The following LRRK2 variants were observed in gnomAD, a reference collection of about 807,000 sequenced individuals.
LRRK2 encodes the protein leucine-rich repeat serine/threonine-protein kinase 2.
A neutral mutation model predicts 302.6 loss-of-function variants in LRRK2; 203 were observed. The ratio of observed to expected loss-of-function variants is 0.67; its 90% CI spans 0.60 to 0.75. The LOEUF (loss-of-function observed/expected upper bound fraction) is 0.75, where lower values mean the gene tolerates loss of function less well. LRRK2 is among the 30% of genes least tolerant of loss of function. The pLI is 0.00. For synonymous variants in LRRK2, 1,066 were observed against 1,031.9 expected (o/e 1.03, Z -0.63); for missense variants, 2,830 against 2,951.0 (o/e 0.96, Z 0.95).
intron 20 of LRRK2, among the ~76,000 whole-genome samples, chr12:40,289,612 T>C (rs1272173710): frequency 1.3e-5 from 2 of 150,568 alleles, no homozygotes; most frequent in African/African-American, 4.9e-5. Flanking sequence ...TAATGAGTCT[T>C]TTGACATATT....
chr12:40,300,461 T>C (rs538537895), intron 25 of LRRK2, among the ~76,000 whole-genome samples: 8 of 152,342 alleles, frequency 5.3e-5, no homozygotes, highest in South Asian at 4.1e-4. Flanking sequence ...CCTGACTCAG[T>C]AAAATAATTT....
At chr12:40,340,186 G>C in intron 40 of LRRK2, 108 bp from the exon 41 acceptor site, 1 of 1,143,808 alleles carries the variant, frequency 8.7e-7, no homozygotes, top group Non-Finnish European at 1.3e-6. Context: ...AGTGAGCACA[G>C]AATTTTTGAT....
rs1943805788 is a variant in LRRK2 at position 40,283,869 on chromosome 12, T to G, written c.2242-6T>G. On this transcript the variant is annotated splice_region_variant and splice_polypyrimidine_tract_variant and intron_variant, in intron 18 of 50. Coordinates refer to ENST00000298910, the MANE Select transcript of LRRK2 (RefSeq NM_198578.4). ...TTTAATATACTTAATTTTTTTTCTT[T>G]AATAGGTATGTGAGAAAGAGAGCAG... 1 of 1,608,820 alleles carries G rather than the reference T, an allele frequency of 6.2e-7. No homozygotes were observed. The highest frequency in any genetic ancestry group is 8.5e-7 in the Non-Finnish European group (1 of 1,177,162).
At chr12:40,295,779 G>T (rs1944364876) in intron 23 of LRRK2, 135 bp downstream of exon 23, 2 of 781,920 alleles carry the variant, frequency 2.6e-6, no homozygotes, top group South Asian at 1.7e-5. Context: ...CGTGCCTCTG[G>T]TTTTTGCACA....
At chr12:40,305,541 T>A (rs1195580733) in intron 27 of LRRK2, among the ~76,000 whole-genome samples, 2 of 152,132 alleles carry the variant, frequency 1.3e-5, no homozygotes, top group Admixed American at 6.6e-5. Flanking sequence ...GAGATTGGGT[T>A]TTTTAATATT....
intron 11 of LRRK2, among the ~76,000 whole-genome samples, chr12:40,254,929 C>T (rs1410787983): frequency 3.3e-5 from 5 of 152,114 alleles, no homozygotes; most frequent in Non-Finnish European, 7.4e-5. Flanking sequence ...CATTGAAAGA[C>T]ACTTGGGTGT....
intron 28 of LRRK2, among the ~76,000 whole-genome samples, chr12:40,307,029 T>A (rs1291812439): frequency 1.3e-5 from 2 of 151,288 alleles, no homozygotes; most frequent in East Asian, 3.9e-4. Flanking sequence ...TACTGTATTA[T>A]CTAACTAAAT....
intron 20 of LRRK2, among the ~76,000 whole-genome samples, chr12:40,292,243 T>G (rs1944186621): frequency 6.6e-6 from 1 of 152,072 alleles, no homozygotes; most frequent in Non-Finnish European, 1.5e-5. Context: ...TTTGTTTCCC[T>G]TCTTTCGGGT....
chr12:40,367,503 A>G, intron 50 of LRRK2, 141 bp from the exon 51 acceptor site: 1 of 649,954 alleles, frequency 1.5e-6, no homozygotes, highest in Non-Finnish European at 2.4e-6. Context: ...TTTATAAATA[A>G]TAATTTAGTA....
chr12:40,314,253 A>G (rs971683208), intron 32 of LRRK2, 80 bp downstream of exon 32: 1 of 1,405,656 alleles, frequency 7.1e-7, no homozygotes, highest in Non-Finnish European at 9.9e-7. Context: ...TATAGAATTT[A>G]CATTCAAAGT....
chr12:40,230,325 G>C (rs1941118078), intron 2 of LRRK2, among the ~76,000 whole-genome samples: 3 of 152,150 alleles, frequency 2.0e-5, no homozygotes, highest in Non-Finnish European at 4.4e-5. Flanking sequence ...CCGTAAGCGA[G>C]TAAGAAACTT....
chr12:40,300,120 A>C (rs937192853), intron 25 of LRRK2, among the ~76,000 whole-genome samples: 6 of 152,196 alleles, frequency 3.9e-5, no homozygotes, highest in African/African-American at 1.4e-4. Flanking sequence ...TGTATGATAA[A>C]TATGATTACT....
At chr12:40,274,015 A>G (rs958262397) in intron 14 of LRRK2, among the ~76,000 whole-genome samples, 2 of 152,176 alleles carry the variant, frequency 1.3e-5, no homozygotes, top group Non-Finnish European at 2.9e-5. Flanking sequence ...GGCCCAATGC[A>G]TATTAGCTCT....
At chr12:40,288,911 G>A (rs1240188836) in intron 20 of LRRK2, among the ~76,000 whole-genome samples, 1 of 151,638 alleles carries the variant, frequency 6.6e-6, no homozygotes, top group Admixed American at 6.6e-5. Context: ...TTTAAATCTT[G>A]GTGAAATGCA....
intron 31 of LRRK2, among the ~76,000 whole-genome samples, chr12:40,313,687 GT>G (rs57421387): frequency 6.7e-6 from 1 of 150,070 alleles, no homozygotes; most frequent in African/African-American, 2.4e-5. Context: ...GATTTATCTT[GT>G]TTTTTTTTCC....
In LRRK2 at chr12:40,359,360, T is replaced by A. The variant is rs750442494; in HGVS notation, c.6944T>A (p.Met2315Lys). The change falls in exon 47 of 51, where the codon ATG becomes AAG. Residue 2315 changes from methionine (M) to lysine (K), a missense_variant. Physicochemically the swap from Met to Lys is moderately conservative, Grantham distance 95. Transcript: ENST00000298910. ...ESTNSTERNV[M>K]WGGCGTKIFS... ...ACAAATTCAACGGAAAGAAATGTAA[T>A]GTGGGGAGGATGTGGCACAAAGATT... The A allele has an allele frequency of 6.2e-7, 1 of 1,613,298 alleles. No individual in the cohort carries two copies. The highest frequency in any genetic ancestry group is 1.3e-5 in the African/African-American group (1 of 74,992).
At chr12:40,333,674 C>G (rs866400428) in intron 39 of LRRK2, among the ~76,000 whole-genome samples, 1 of 151,092 alleles carries the variant, frequency 6.6e-6, no homozygotes, top group African/African-American at 2.4e-5. Flanking sequence ...AATGATATCT[C>G]GGACTTTTTT....
At chr12:40,277,853 T>G in intron 16 of LRRK2, 35 bp from the exon 17 acceptor site, 1 of 1,536,896 alleles carries the variant, frequency 6.5e-7, no homozygotes, top group Non-Finnish European at 8.8e-7. Flanking sequence ...TGCCTGTAAT[T>G]GCTTATTTTA....
intron 2 of LRRK2, among the ~76,000 whole-genome samples, chr12:40,226,186 A>G (rs1940870755): frequency 6.6e-6 from 1 of 152,214 alleles, no homozygotes; most frequent in Admixed American, 6.5e-5. Flanking sequence ...ATAGTTTGCA[A>G]CTGTTGTCAT....
Sources: allele counts gnomAD v4.1 joint callset (sites outside exome capture counted in the v4.1 genomes callset), GRCh38; gene constraint gnomAD v4.1.1; transcripts MANE v1.5; gene names NCBI Gene and HGNC (gene_info 2026-07-23, HGNC 2026-07-21).